Variants in ACAP2 observed in about 807,000 individuals in gnomAD.
ACAP2 encodes the protein ArfGAP with coiled-coil, ankyrin repeat and PH domains 2.
Under a neutral mutation model 115.8 loss-of-function variants are expected in ACAP2, and 39 were observed. The ratio of observed to expected loss-of-function variants is 0.34; its 90% CI spans 0.26 to 0.44. ACAP2 has a LOEUF of 0.44. Among genes scored for constraint, ACAP2 ranks in the 20% least tolerant of loss-of-function variants. The pLI, the probability that ACAP2 is intolerant of heterozygous loss-of-function variation, is 1.00. For missense variants in ACAP2, 662 were observed against 927.6 expected (o/e 0.71, Z 3.72); for synonymous variants, 289 against 315.8 (o/e 0.92, Z 0.90).
chr3:195,341,228 T>C (rs563227119), intron 6 of ACAP2, among the ~76,000 whole-genome samples: 20 of 152,118 alleles, frequency 1.3e-4, no homozygotes, highest in Non-Finnish European at 2.5e-4. Context: ...CTTTCAGCTA[T>C]AAATTAGACT....
chr3:195,360,345 A>G (rs1479397429), intron 4 of ACAP2, among the ~76,000 whole-genome samples: 1 of 152,262 alleles, frequency 6.6e-6, no homozygotes, highest in African/African-American at 2.4e-5. Flanking sequence ...TTATATATGT[A>G]CCAAACACTG....
At chr3:195,331,759 T>C (rs910777022) in intron 8 of ACAP2, among the ~76,000 whole-genome samples, 5 of 152,316 alleles carry the variant, frequency 3.3e-5, no homozygotes, top group African/African-American at 1.2e-4. Flanking sequence ...TCTAATATAA[T>C]GTTATCATCA....
chr3:195,279,336 T>C lies in ACAP2; in HGVS notation c.2329A>G (p.Lys777Glu), dbSNP rs748383339. Residue 777 changes from lysine (K) to glutamate (E), a missense_variant, in exon 23 of 23, where the codon AAA becomes GAA. Lys to Glu is a moderately conservative substitution (Grantham distance 56). This residue lies in a region of ACAP2 where 128 missense variants were observed against 200.2 expected (regional missense o/e 0.64). Coordinates refer to ENST00000326793, the MANE Select transcript of ACAP2 (RefSeq NM_012287.6). ...KLNRFQQDSQ[K>E]F ...CCCATTTTTAAAAAAATTCAGAATTTCTGTGAATCTTGCTGGAAACGATTT... is the reference window on the plus strand; with the variant it reads ...CCCATTTTTAAAAAAATTCAGAATTCCTGTGAATCTTGCTGGAAACGATTT... The C allele has an allele frequency of 3.1e-6, 5 of 1,598,292 alleles. No homozygotes were observed. In the Admixed American group the frequency reaches 5.3e-5, roughly 17 times the overall value.
chr3:195,314,200 T>C (rs111485745), intron 10 of ACAP2, among the ~76,000 whole-genome samples: 1 of 82,242 alleles, frequency 1.2e-5, no homozygotes, highest in African/African-American at 4.0e-5. Context: ...AATTTTGTTG[T>C]TTTTTTTTTT....
intron 4 of ACAP2, among the ~76,000 whole-genome samples, chr3:195,350,981 AAATCAAT>A (rs1442117235): frequency 6.6e-6 from 1 of 152,198 alleles, no homozygotes; most frequent in East Asian, 1.9e-4. Context: ...CAAAAGAACA[AAATCAAT>A]AAACTGACTT....
chr3:195,337,662 G>A (rs538141244), intron 6 of ACAP2, among the ~76,000 whole-genome samples: 2 of 152,144 alleles, frequency 1.3e-5, no homozygotes, highest in South Asian at 4.1e-4. Flanking sequence ...TGGTCGGGCT[G>A]GTCTTAACTC....
At chr3:195,314,035 T>A (rs1452863346) in intron 10 of ACAP2, among the ~76,000 whole-genome samples, 1 of 152,164 alleles carries the variant, frequency 6.6e-6, no homozygotes, top group African/African-American at 2.4e-5. Context: ...TCACTTATGC[T>A]ATTTCAATCG....
chr3:195,306,443 A>G (rs1287201920), intron 13 of ACAP2, 68 bp downstream of exon 13: 4 of 919,914 alleles, frequency 4.3e-6, no homozygotes, highest in Non-Finnish European at 5.0e-6. Flanking sequence ...ATACAGTCAT[A>G]TAACGTTGCA....
chr3:195,303,731 T>G (rs1456871976), intron 13 of ACAP2, among the ~76,000 whole-genome samples: 2 of 152,188 alleles, frequency 1.3e-5, no homozygotes, highest in Admixed American at 6.5e-5. Flanking sequence ...ATCACACCAC[T>G]GCATTCCAGC....
At chr3:195,288,741 C>A (rs1727028722) in intron 21 of ACAP2, among the ~76,000 whole-genome samples, 1 of 152,016 alleles carries the variant, frequency 6.6e-6, no homozygotes. Context: ...GCCTGTAATC[C>A]CAGCGACTAG....
At chr3:195,413,495 T>C (rs748613394) in intron 1 of ACAP2, among the ~76,000 whole-genome samples, 3 of 152,126 alleles carry the variant, frequency 2.0e-5, no homozygotes, top group Non-Finnish European at 4.4e-5. Context: ...ATGACTATAA[T>C]GACAGCACTT....
Position 195,278,123 on chromosome 3 carries a change from T to C in ACAP2, c.*1205A>G, listed in dbSNP as rs1265787508. The C allele has an allele frequency of 6.6e-6, 1 of 151,916 alleles. No individual in the cohort carries two copies. Among genetic ancestry groups the C allele is most frequent in the Non-Finnish European group, 1.5e-5 (1 of 67,990 alleles). The allele number at this position is 151,916 out of a possible 1,614,324, so 9.4% of individuals were successfully genotyped here. ...AAAGCAAATTAATTATTTTATACTTTAAGACATTTTCAAAGATGGAATCAG... is the reference window on the plus strand; with the variant it reads ...AAAGCAAATTAATTATTTTATACTTCAAGACATTTTCAAAGATGGAATCAG... On this transcript the variant is annotated 3_prime_UTR_variant, in exon 23 of 23. Transcript: ENST00000326793.
intron 1 of ACAP2, among the ~76,000 whole-genome samples, chr3:195,397,211 A>ATATG (rs1560326854): frequency 6.6e-6 from 1 of 152,170 alleles, no homozygotes; most frequent in East Asian, 1.9e-4. Context: ...AGAGGTGCCT[A>ATATG]TATGTATGTG....
intron 17 of ACAP2, 116 bp from the exon 18 acceptor site, chr3:195,294,927 A>G (rs1727545766): frequency 5.2e-6 from 3 of 577,650 alleles, no homozygotes; most frequent in Non-Finnish European, 9.3e-6. Flanking sequence ...AGGCACCACA[A>G]GGAGAATGCA....
intron 1 of ACAP2, among the ~76,000 whole-genome samples, chr3:195,404,142 A>C (rs1346465280): frequency 6.6e-6 from 1 of 152,152 alleles, no homozygotes; most frequent in Non-Finnish European, 1.5e-5. Context: ...GGAGTTCAAG[A>C]CCAGCCTAGG....
At chr3:195,392,532 C>T (rs1734748665) in intron 1 of ACAP2, among the ~76,000 whole-genome samples, 1 of 152,178 alleles carries the variant, frequency 6.6e-6, no homozygotes, top group African/African-American at 2.4e-5. Context: ...TTGTTGGCAA[C>T]CAAGAAGAGC....
At chr3:195,395,770 T>C (rs930682114) in intron 1 of ACAP2, among the ~76,000 whole-genome samples, 7 of 152,236 alleles carry the variant, frequency 4.6e-5, no homozygotes, top group African/African-American at 1.2e-4. Context: ...TTTTCTCATA[T>C]ATGAAATACA....
At chr3:195,303,961 A>G (rs1245620092) in intron 13 of ACAP2, among the ~76,000 whole-genome samples, 2 of 152,076 alleles carry the variant, frequency 1.3e-5, no homozygotes, top group Admixed American at 1.3e-4. Context: ...GGAGTTCGAG[A>G]GCAGCCTGGC....
chr3:195,342,680 CT>C lies in ACAP2; in HGVS notation c.345-27del, dbSNP rs760352141. On this transcript the variant is annotated intron_variant, in intron 5 of 22. Transcript: ENST00000326793. The stretch of plus-strand genomic sequence containing the variant: ...CTAAGAAAAGAAAAACTTAGTGAAA[CT>C]TTTATAACTTGCTTCATTAAAAAAC... The C allele has an allele frequency of 2.6e-6, 4 of 1,557,384 alleles. No individual in the cohort carries two copies. In the East Asian group the frequency reaches 9.0e-5, roughly 35 times the overall value.
Sources: allele counts gnomAD v4.1 joint callset (sites outside exome capture counted in the v4.1 genomes callset), GRCh38; gene constraint gnomAD v4.1.1; regional missense constraint gnomAD v4.1.1; transcripts MANE v1.5; gene names NCBI Gene and HGNC (gene_info 2026-07-23, HGNC 2026-07-21).